Variants in GPM6A observed in about 807,000 individuals in gnomAD.
GPM6A encodes neuronal membrane glycoprotein M6-a.
A neutral mutation model predicts 32.1 loss-of-function variants in GPM6A; 7 were observed. The observed-to-expected ratio is 0.22, with a 90% CI of 0.12 to 0.41. GPM6A has a LOEUF of 0.41. GPM6A is among the 10% of genes least tolerant of loss of function. The pLI, the probability that GPM6A is intolerant of heterozygous loss-of-function variation, is 1.00. For synonymous variants in GPM6A, 130 were observed against 123.4 expected, an observed-to-expected ratio of 1.05 and a Z score of -0.35; for missense variants, 235 against 347.2, an observed-to-expected ratio of 0.68 and a Z score of 2.57.
chr4:175,917,453 G>T (rs1579625259), intron 1 of GPM6A, among the ~76,000 whole-genome samples: 1 of 152,088 alleles, frequency 6.6e-6, no homozygotes, highest in Admixed American at 6.5e-5. Flanking sequence ...ACAATGAAAC[G>T]AAGGGCTTGA....
At chr4:175,933,806 A>G (rs549386616) in intron 1 of GPM6A, among the ~76,000 whole-genome samples, 37 of 152,280 alleles carry the variant, frequency 2.4e-4, no homozygotes, top group African/African-American at 8.7e-4. Context: ...GGCCTCCCAA[A>G]GTGCTGGGAT....
rs544644079 is a variant in GPM6A at position 175,665,227 on chromosome 4, G to A, written c.387+8453C>T. ...TCACAGACTTTAATCCCTTCTCTCC[G>A]TGCAAACACTGTAAGCTATTTGCAT... On this transcript the variant is annotated intron_variant, in intron 3 of 6. Coordinates refer to ENST00000393658, the MANE Select transcript of GPM6A (RefSeq NM_201591.3). Among the ~76,000 whole-genome samples, 18 of 151,924 alleles carry A rather than the reference G, an allele frequency of 1.2e-4. No individual in the cohort carries two copies. In the South Asian group the frequency reaches 1.5e-3, roughly 12 times the overall value.
intron 3 of GPM6A, among the ~76,000 whole-genome samples, chr4:175,664,464 C>A (rs1742621048): frequency 6.6e-6 from 1 of 152,108 alleles, no homozygotes; most frequent in Non-Finnish European, 1.5e-5. Context: ...AGCCTATGTA[C>A]CTTCTGTTCA....
At chr4:175,856,647 T>C (rs1736426362) in intron 1 of GPM6A, among the ~76,000 whole-genome samples, 1 of 152,150 alleles carries the variant, frequency 6.6e-6, no homozygotes, top group Non-Finnish European at 1.5e-5. Context: ...ATGAACGGAT[T>C]GAAGGTTGGT....
intron 1 of GPM6A, among the ~76,000 whole-genome samples, chr4:175,981,053 T>C (rs971125594): frequency 7.9e-5 from 12 of 152,194 alleles, no homozygotes; most frequent in African/African-American, 2.9e-4. Flanking sequence ...AGATTACAAA[T>C]ACAGGATTTT....
chr4:175,750,048 T>C (rs1274998078), intron 1 of GPM6A, among the ~76,000 whole-genome samples: 1 of 152,140 alleles, frequency 6.6e-6, no homozygotes, highest in Admixed American at 6.6e-5. Context: ...CTAATCTTTA[T>C]TCGAAGTGAA....
intron 1 of GPM6A, among the ~76,000 whole-genome samples, chr4:175,888,250 A>C (rs1392838093): frequency 6.6e-6 from 1 of 152,018 alleles, no homozygotes; most frequent in Non-Finnish European, 1.5e-5. Flanking sequence ...TAAATTGATA[A>C]ATTCAGTACG....
intron 1 of GPM6A, among the ~76,000 whole-genome samples, chr4:175,866,232 C>T (rs1272621926): frequency 6.6e-6 from 1 of 152,078 alleles, no homozygotes; most frequent in Non-Finnish European, 1.5e-5. Flanking sequence ...CAACATTTCC[C>T]ACCAGAATGG....
intron 1 of GPM6A, among the ~76,000 whole-genome samples, chr4:175,744,118 A>G (rs984854231): frequency 2.0e-5 from 3 of 152,112 alleles, no homozygotes; most frequent in African/African-American, 7.2e-5. Flanking sequence ...TAGGCCGTAG[A>G]GTAAGTAATA....
intron 3 of GPM6A, among the ~76,000 whole-genome samples, chr4:175,652,659 A>AAAG (rs1741875042): frequency 6.6e-6 from 1 of 152,118 alleles, no homozygotes; most frequent in Non-Finnish European, 1.5e-5. Context: ...TAATATTTAT[A>AAAG]AAGTGTATAC....
Position 175,801,349 on chromosome 4 carries a change from TATTA to T in GPM6A, c.37+10838_37+10841del, listed in dbSNP as rs1376684428. Among the ~76,000 whole-genome samples the T allele has an allele frequency of 9.0e-5, 4 of 44,566 alleles. No homozygotes were observed. The South Asian group carries it at 4.4e-3, about 49-fold the overall frequency. 29.2% of individuals were successfully genotyped at this position (44,566 alleles called of 152,430 possible). ...ATTATAGGTATGTTAATATTATAGG[TATTA>T]ATTAATAGGTAATAATATAGGTATA... On this transcript the variant is annotated intron_variant, in intron 1 of 6. Coordinates refer to ENST00000393658, the MANE Select transcript of GPM6A (RefSeq NM_201591.3).
chr4:175,702,272 CG>C (rs1744922739), intron 1 of GPM6A, among the ~76,000 whole-genome samples: 1 of 152,102 alleles, frequency 6.6e-6, no homozygotes. Flanking sequence ...AGGATAAAAT[CG>C]GGGTAATTGG....
chr4:175,838,644 ATTTTTTTTTTT>A (rs569099649), intron 1 of GPM6A, among the ~76,000 whole-genome samples: 19 of 79,802 alleles, frequency 2.4e-4, no homozygotes, highest in Admixed American at 9.4e-4. Context: ...CTAGCAGTGA[ATTTTTTTTTTT>A]TTTTTTTTTT....
intron 1 of GPM6A, among the ~76,000 whole-genome samples, chr4:175,977,378 A>G (rs1189922023): frequency 1.3e-5 from 2 of 152,208 alleles, no homozygotes; most frequent in African/African-American, 4.8e-5. Flanking sequence ...ACAAAAAATG[A>G]ACAACTTTTC....
At chr4:175,676,564 T>G (rs1244717207) in intron 2 of GPM6A, among the ~76,000 whole-genome samples, 1 of 152,092 alleles carries the variant, frequency 6.6e-6, no homozygotes, top group Admixed American at 6.6e-5. Flanking sequence ...CTGGTCAACA[T>G]AGAGACACCC....
At chr4:175,842,298 A>G (rs894949955) in intron 1 of GPM6A, among the ~76,000 whole-genome samples, 2 of 152,152 alleles carry the variant, frequency 1.3e-5, no homozygotes, top group Non-Finnish European at 2.9e-5. Context: ...TATATTACAG[A>G]TTTTAAAGGT....
chr4:175,873,689 G>A (rs1033648209), intron 1 of GPM6A, among the ~76,000 whole-genome samples: 15 of 152,114 alleles, frequency 9.9e-5, no homozygotes, highest in African/African-American at 2.6e-4. Flanking sequence ...TTCAGGATGC[G>A]TAATTTTAAA....
In GPM6A at chr4:175,698,077, A is replaced by T. The variant is rs143905567; in HGVS notation, c.230+3498T>A. On this transcript the variant is annotated intron_variant, in intron 2 of 6. Transcript: ENST00000393658. The stretch of plus-strand genomic sequence containing the variant: ...AGTGTATGTATTTAAGAGAAGGGAG[A>T]TAGTGGAGAGAGGAAAAGAGAGGGA... Among the ~76,000 whole-genome samples, 484 of 152,214 alleles carry T rather than the reference A, an allele frequency of 3.2e-3. 2 individuals carry two copies. Among genetic ancestry groups the T allele is most frequent in the African/African-American group, 0.011 (459 of 41,552 alleles).
intron 1 of GPM6A, among the ~76,000 whole-genome samples, chr4:175,741,887 T>C (rs1471928686): frequency 6.6e-6 from 1 of 152,100 alleles, no homozygotes; most frequent in African/African-American, 2.4e-5. Context: ...TCCTTGAAAA[T>C]GTTTTGGTAA....
Sources: allele counts gnomAD v4.1 joint callset (sites outside exome capture counted in the v4.1 genomes callset), GRCh38; gene constraint gnomAD v4.1.1; transcripts MANE v1.5; gene names NCBI Gene and HGNC (gene_info 2026-07-23, HGNC 2026-07-21).